SLC4A8: variants seen among roughly 807,000 people sequenced by gnomAD.
SLC4A8 encodes the protein electroneutral sodium bicarbonate exchanger 1.
A neutral mutation model predicts 125.0 loss-of-function variants in SLC4A8; 40 were observed. The observed-to-expected ratio is 0.32, with a 90% CI of 0.25 to 0.42. SLC4A8 has a LOEUF of 0.42. SLC4A8 is among the 10% of genes least tolerant of loss of function. The pLI is 1.00. For synonymous variants in SLC4A8, 456 were observed against 476.0 expected (o/e 0.96, Z 0.55); for missense variants, 863 against 1,355.1 (o/e 0.64, Z 5.70).
At chr12:51,463,210 A>G (rs1261817900) in intron 10 of SLC4A8, among the ~76,000 whole-genome samples, 1 of 152,170 alleles carries the variant, frequency 6.6e-6, no homozygotes, top group Non-Finnish European at 1.5e-5. Context: ...CATCCCTCAA[A>G]AGATATTGTT....
In SLC4A8 at chr12:51,453,611, A is replaced by G. The variant is rs1343664632; in HGVS notation, c.486A>G (p.Ser162=). ...RWSKPYVATL[S]LHSLFELRSC... ...GCAAGCCTTATGTGGCAACCCTTTC[A>G]TTGCACAGCCTGTTTGAGCTAAGGA... The change falls in exon 5 of 25, where the codon TCA becomes TCG. Residue 162 remains serine (S), a synonymous_variant. Transcript: ENST00000453097. 6.2e-7 allele frequency: 1 copy of G among 1,614,176 alleles called. No homozygotes were observed. Among genetic ancestry groups the G allele is most frequent in the Admixed American group, 1.7e-5 (1 of 60,028 alleles).
chr12:51,494,845 T>C, intron 20 of SLC4A8, 100 bp from the exon 21 acceptor site: 1 of 882,146 alleles, frequency 1.1e-6, no homozygotes, highest in Non-Finnish European at 1.7e-6. Context: ...TGGTGTTACC[T>C]ACCTTTCAGA....
intron 16 of SLC4A8, chr12:51,480,242 T>G (rs984314728): frequency 7.9e-7 from 1 of 1,267,178 alleles, no homozygotes; most frequent in African/African-American, 1.6e-5. Context: ...AGTGCTATTC[T>G]TTATTTCAGA....
At position 51,452,221 on chromosome 12, in the gene SLC4A8, GA is replaced by G; in HGVS notation, c.378del (p.Glu127ArgfsTer14). 2.5e-6 allele frequency: 4 copies of G among 1,614,210 alleles called. No homozygotes were observed. Among genetic ancestry groups the G allele is most frequent in the Non-Finnish European group, 3.4e-6 (4 of 1,180,018 alleles). On this transcript the variant is annotated frameshift_variant, in exon 4 of 25. Transcript: ENST00000453097. LOFTEE classifies it high-confidence loss of function. ...LFTELDEICM[K>X]EGEDAEWKET... ...TTACAGAGCTGGATGAGATCTGTATGAAAGAGGGAGAAGATGCTGAGTGGAA... is the reference window on the plus strand; with the variant it reads ...TTACAGAGCTGGATGAGATCTGTATGAAGAGGGAGAAGATGCTGAGTGGAA...
chr12:51,458,759 C>A, intron 7 of SLC4A8, 109 bp downstream of exon 7: 1 of 744,926 alleles, frequency 1.3e-6, no homozygotes, highest in South Asian at 1.7e-5. Flanking sequence ...AGACTCTTTC[C>A]CTAAGACTAG....
chr12:51,406,165 G>A (rs964245354), intron 1 of SLC4A8, among the ~76,000 whole-genome samples: 1 of 152,188 alleles, frequency 6.6e-6, no homozygotes, highest in Non-Finnish European at 1.5e-5. Flanking sequence ...TGCGTAAGTG[G>A]GGTTAGGACC....
In SLC4A8 at chr12:51,463,714, G is replaced by A. The variant is rs753191375; in HGVS notation, c.1349G>A (p.Arg450Gln). 12 of 1,605,760 alleles carry A rather than the reference G, an allele frequency of 7.5e-6. No individual in the cohort carries two copies. The Admixed American group carries it at 1.2e-4, about 16-fold the overall frequency. Residue 450 changes from arginine (R) to glutamine (Q), a missense_variant and splice_region_variant, in exon 11 of 25, where the codon CGG becomes CAG. Arg to Gln is a conservative substitution (Grantham distance 43, BLOSUM62 1). Transcript: ENST00000453097. Reference sequence around the variant, plus strand: ...GGGCCAGAACTTCAGCGCACTGGGCGGTAAGTCCTGGGACGTTTCACAGCG... The same window carrying A: ...GGGCCAGAACTTCAGCGCACTGGGCAGTAAGTCCTGGGACGTTTCACAGCG... ...HSGPELQRTG[R>Q]LFGGLVLDIK...
intron 21 of SLC4A8, 94 bp downstream of exon 21, chr12:51,495,212 C>G: frequency 2.7e-6 from 3 of 1,112,708 alleles, no homozygotes; most frequent in Non-Finnish European, 3.8e-6. Context: ...TTTAAGTGTA[C>G]AGTTGAGTGG....
chr12:51,503,977 A>T (rs1938052209), intron 22 of SLC4A8, 52 bp from the exon 23 acceptor site: 1 of 969,802 alleles, frequency 1.0e-6, no homozygotes, highest in South Asian at 1.5e-5. Flanking sequence ...TGGGCTGGTG[A>T]ACTTATGGTC....
chr12:51,405,312 T>A (rs1215032634), intron 1 of SLC4A8, among the ~76,000 whole-genome samples: 1 of 152,160 alleles, frequency 6.6e-6, no homozygotes, highest in African/African-American at 2.4e-5. Flanking sequence ...AAGAGGCTGG[T>A]TAGTGTCTGG....
At chr12:51,406,247 T>C (rs199671136) in intron 1 of SLC4A8, among the ~76,000 whole-genome samples, 1 of 152,192 alleles carries the variant, frequency 6.6e-6, no homozygotes, top group Non-Finnish European at 1.5e-5. Context: ...CAACTGCAAA[T>C]AAAATTATCC....
intron 1 of SLC4A8, among the ~76,000 whole-genome samples, chr12:51,398,424 A>G (rs1047095877): frequency 6.6e-6 from 1 of 152,192 alleles, no homozygotes; most frequent in African/African-American, 2.4e-5. Context: ...CATCTCCTTA[A>G]AAGCAATCAA....
chr12:51,411,037 G>C (rs1357277334), intron 1 of SLC4A8, among the ~76,000 whole-genome samples: 10 of 130,182 alleles, frequency 7.7e-5, no homozygotes, highest in Non-Finnish European at 6.5e-5. Flanking sequence ...ACTGCTCCTG[G>C]CCAATCTGTT....
chr12:51,477,588 A>C (rs1357226936), intron 16 of SLC4A8, among the ~76,000 whole-genome samples: 3 of 152,192 alleles, frequency 2.0e-5, no homozygotes, highest in Admixed American at 6.5e-5. Flanking sequence ...CGTTTCCCCA[A>C]AAAGTATAAT....
Position 51,511,678 on chromosome 12 carries a change from T to G in SLC4A8, c.*4240T>G, listed in dbSNP as rs1345076231. The G allele has an allele frequency of 6.6e-6, 1 of 152,258 alleles. No homozygotes were observed. The highest frequency in any genetic ancestry group is 2.4e-5 in the African/African-American group (1 of 41,464). The allele number at this position is 152,258 out of a possible 1,614,324, so 9.4% of individuals were successfully genotyped here. The stretch of plus-strand genomic sequence containing the variant: ...TGCTGGGATTACAGGTATGAGCCAC[T>G]GCCCCTGGCCTCAAAATCTTTAAGG... On this transcript the variant is annotated 3_prime_UTR_variant, in exon 25 of 25. Coordinates refer to ENST00000453097, the MANE Select transcript of SLC4A8 (RefSeq NM_001039960.3).
At chr12:51,490,694 A>G (rs976786716) in intron 19 of SLC4A8, among the ~76,000 whole-genome samples, 18 of 152,042 alleles carry the variant, frequency 1.2e-4, no homozygotes, top group African/African-American at 3.9e-4. Flanking sequence ...TCTACGAAAT[A>G]TCAGGGCCAT....
chr12:51,434,086 G>C (rs1565772737), intron 1 of SLC4A8, among the ~76,000 whole-genome samples: 1 of 151,914 alleles, frequency 6.6e-6, no homozygotes, highest in Admixed American at 6.6e-5. Flanking sequence ...TGTTGCCCAG[G>C]CTGGTCTCGA....
intron 21 of SLC4A8, among the ~76,000 whole-genome samples, 190 bp downstream of exon 21, chr12:51,495,308 C>A (rs1951432116): frequency 6.6e-6 from 1 of 152,076 alleles, no homozygotes; most frequent in Non-Finnish European, 1.5e-5. Context: ...AAACTCTGCA[C>A]CTATTAAACA....
Position 51,475,086 on chromosome 12 carries a change from C to T in SLC4A8, c.2052C>T (p.Cys684=), listed in dbSNP as rs142611356. 108 of 1,613,700 alleles carry T rather than the reference C, an allele frequency of 6.7e-5. No homozygotes were observed. The highest frequency in any genetic ancestry group is 8.2e-5 in the Non-Finnish European group (97 of 1,179,786). The part of the protein sequence containing the change: ...EMHGEFMGSA[C]GHHGPYTPDV... ...ATGGAGAGTTCATGGGATCTGCGTG[C>T]GGCCATCATGGACCCTACACTCCTG... Residue 684 remains cysteine (C), a synonymous_variant, in exon 16 of 25, where the codon TGC becomes TGT. Coordinates refer to ENST00000453097, the MANE Select transcript of SLC4A8 (RefSeq NM_001039960.3).
Sources: gnomAD v4.1 joint callset for allele counts (sites outside exome capture counted in the v4.1 genomes callset) on GRCh38, gnomAD v4.1.1 for gene constraint, MANE v1.5 for transcripts, NCBI Gene and HGNC (gene_info 2026-07-23, HGNC 2026-07-21) for gene names.